The following SLC35F3 variants were observed in gnomAD, a reference collection of about 807,000 sequenced individuals.
SLC35F3 encodes solute carrier family 35 member F3.
Under a neutral mutation model 49.9 loss-of-function variants are expected in SLC35F3, and 25 were observed. That is an observed-to-expected ratio of 0.50 (90% CI 0.37 to 0.70). SLC35F3 has a LOEUF of 0.70. SLC35F3 is among the 30% of genes least tolerant of loss of function. The pLI, the probability that SLC35F3 is intolerant of heterozygous loss-of-function variation, is 0.00. For missense variants in SLC35F3, 525 were observed against 639.8 expected (o/e 0.82, Z 1.94); for synonymous variants, 275 against 265.4 (o/e 1.04, Z -0.35).
At chr1:234,171,460 G>C (rs893312575) in intron 2 of SLC35F3, among the ~76,000 whole-genome samples, 14 of 152,180 alleles carry the variant, frequency 9.2e-5, no homozygotes, top group African/African-American at 2.9e-4. Context: ...TACACAGAGG[G>C]GGGTGTCTGT....
chr1:234,286,505 TC>T (rs1022030951), intron 3 of SLC35F3, among the ~76,000 whole-genome samples: 2 of 152,220 alleles, frequency 1.3e-5, no homozygotes, highest in African/African-American at 4.8e-5. Flanking sequence ...TCTGATGTAA[TC>T]CAGTTATGTA....
chr1:234,002,774 A>G (rs947039608), intron 2 of SLC35F3, among the ~76,000 whole-genome samples: 6 of 152,192 alleles, frequency 3.9e-5, no homozygotes, highest in African/African-American at 1.4e-4. Context: ...GAGAGTCTAC[A>G]TAAATCATTT....
At chr1:234,205,455 C>A (rs762796578) in intron 2 of SLC35F3, among the ~76,000 whole-genome samples, 1 of 152,180 alleles carries the variant, frequency 6.6e-6, no homozygotes, top group Non-Finnish European at 1.5e-5. Flanking sequence ...AGTGAGACTC[C>A]GTCTCAAAGC....
At chr1:234,007,843 A>G (rs570246065) in intron 2 of SLC35F3, among the ~76,000 whole-genome samples, 1 of 152,220 alleles carries the variant, frequency 6.6e-6, no homozygotes, top group Non-Finnish European at 1.5e-5. Flanking sequence ...TTTCCCAGGA[A>G]TATGTACATG....
chr1:234,030,532 C>T (rs1664046605), intron 2 of SLC35F3, among the ~76,000 whole-genome samples: 1 of 152,174 alleles, frequency 6.6e-6, no homozygotes, highest in Admixed American at 6.5e-5. Flanking sequence ...GATTATTTTA[C>T]ATTCCCCTGA....
chr1:234,110,922 C>A (rs958901334), intron 2 of SLC35F3, among the ~76,000 whole-genome samples: 2 of 151,942 alleles, frequency 1.3e-5, no homozygotes, highest in African/African-American at 4.8e-5. Context: ...AATTGTGTAG[C>A]CCCATAAAAC....
chr1:234,211,747 T>C (rs1449051788), intron 2 of SLC35F3, among the ~76,000 whole-genome samples: 1 of 152,228 alleles, frequency 6.6e-6, no homozygotes, highest in African/African-American at 2.4e-5. Flanking sequence ...TTCCCTTGTC[T>C]CAAATGAGGC....
At chr1:234,024,431 T>C (rs889757497) in intron 2 of SLC35F3, among the ~76,000 whole-genome samples, 4 of 152,110 alleles carry the variant, frequency 2.6e-5, no homozygotes, top group African/African-American at 7.2e-5. Context: ...AGTGACATGA[T>C]TAGTATCTTA....
intron 2 of SLC35F3, among the ~76,000 whole-genome samples, chr1:234,126,357 G>A (rs1157705780): frequency 6.6e-6 from 1 of 152,154 alleles, no homozygotes; most frequent in East Asian, 1.9e-4. Flanking sequence ...AGGTAATACA[G>A]AGAGATCTCA....
chr1:234,115,870 C>T (rs1396309335), intron 2 of SLC35F3, among the ~76,000 whole-genome samples: 1 of 152,016 alleles, frequency 6.6e-6, no homozygotes, highest in African/African-American at 2.4e-5. Context: ...TGAAGATGCA[C>T]CTGGGAAAAA....
chr1:233,998,512 G>T (rs755217076), intron 2 of SLC35F3, among the ~76,000 whole-genome samples: 66 of 151,330 alleles, frequency 4.4e-4, no homozygotes, highest in Non-Finnish European at 7.7e-4. Flanking sequence ...CAGAGGAGAT[G>T]CTATGCCTGA....
At chr1:234,296,005 T>C (rs1668587100) in intron 3 of SLC35F3, among the ~76,000 whole-genome samples, 1 of 152,252 alleles carries the variant, frequency 6.6e-6, no homozygotes, top group South Asian at 2.1e-4. Context: ...GTTCATCTCT[T>C]GACAGTTTAG....
chr1:234,012,808 C>A (rs572346422), intron 2 of SLC35F3, among the ~76,000 whole-genome samples: 1 of 152,192 alleles, frequency 6.6e-6, no homozygotes, highest in Non-Finnish European at 1.5e-5. Context: ...ATCTCTCTTT[C>A]TTTGCCCTAC....
At position 233,996,540 on chromosome 1, in the gene SLC35F3, C is replaced by G. The variant is rs992533409; in HGVS notation, c.283+90782C>G. ...AGACATCCTCAGGGGAGGATGAGGA[C>G]TTGGGGGGAATTTGTGGGTTCCCTG... On this transcript the variant is annotated intron_variant, in intron 2 of 7. Coordinates refer to ENST00000366618, the MANE Select transcript of SLC35F3 (RefSeq NM_173508.4). Among the ~76,000 whole-genome samples the G allele has an allele frequency of 2.2e-5, 3 of 137,518 alleles. No homozygotes were observed. In the East Asian group the frequency reaches 8.1e-4, roughly 37 times the overall value. 90.2% of individuals were successfully genotyped at this position (137,518 alleles called of 152,430 possible).
At chr1:234,207,087 C>T (rs1666982039) in intron 2 of SLC35F3, among the ~76,000 whole-genome samples, 1 of 152,116 alleles carries the variant, frequency 6.6e-6, no homozygotes, top group African/African-American at 2.4e-5. Flanking sequence ...TGACTGGAGG[C>T]CAGCTGTGGT....
At chr1:234,148,056 A>C (rs1666023870) in intron 2 of SLC35F3, among the ~76,000 whole-genome samples, 1 of 152,222 alleles carries the variant, frequency 6.6e-6, no homozygotes, top group Admixed American at 6.5e-5. Context: ...TGATTGTCCA[A>C]GGAGGGGCTG....
chr1:234,028,682 T>A (rs752901645), intron 2 of SLC35F3, among the ~76,000 whole-genome samples: 1 of 152,152 alleles, frequency 6.6e-6, no homozygotes, highest in Non-Finnish European at 1.5e-5. Flanking sequence ...CAAGAGAGAC[T>A]CTCTATAGAA....
chr1:234,276,086 A>T (rs139711185), intron 3 of SLC35F3, among the ~76,000 whole-genome samples: 2 of 152,176 alleles, frequency 1.3e-5, no homozygotes, highest in African/African-American at 2.4e-5. Flanking sequence ...GGTAGTTGCT[A>T]TGAGACCTAG....
rs1264680477 is a variant in SLC35F3, at chr1:234,275,907, A to G, written c.609-33194A>G. On this transcript the variant is annotated intron_variant, in intron 3 of 7. Coordinates refer to ENST00000366618, the MANE Select transcript of SLC35F3 (RefSeq NM_173508.4). ...AAACCGAATAAGAACTCAGTAGAGT[A>G]GGTACCTTTATTTTCTTCATTTCCA... Among the ~76,000 whole-genome samples the G allele has an allele frequency of 3.3e-5, 5 of 152,116 alleles. No homozygotes were observed. The East Asian group carries it at 7.7e-4, about 23-fold the overall frequency.
Sources: gnomAD v4.1 joint callset for allele counts (sites outside exome capture counted in the v4.1 genomes callset) on GRCh38, gnomAD v4.1.1 for gene constraint, MANE v1.5 for transcripts, NCBI Gene and HGNC (gene_info 2026-07-23, HGNC 2026-07-21) for gene names.